RBMS3: variants seen among roughly 807,000 people sequenced by gnomAD.
RBMS3 encodes RNA binding motif single stranded interacting protein 3.
Under a neutral mutation model 66.8 loss-of-function variants are expected in RBMS3, and 27 were observed. The ratio of observed to expected loss-of-function variants is 0.40; its 90% confidence interval spans 0.30 to 0.56. The LOEUF (loss-of-function observed/expected upper bound fraction) is 0.56, where lower values mean the gene tolerates loss of function less well. RBMS3 is among the 20% of genes least tolerant of loss of function. The probability of loss-of-function intolerance (pLI) is 0.40; values close to 1 mark genes in which losing one functional copy is unlikely to be tolerated. For missense variants in RBMS3, 513 were observed against 549.5 expected (o/e 0.93, Z 0.66); for synonymous variants, 188 against 183.0 (o/e 1.03, Z -0.22).
chr3:29,710,238 T>A (rs1392005540), intron 4 of RBMS3, among the ~76,000 whole-genome samples: 1 of 152,234 alleles, frequency 6.6e-6, no homozygotes, highest in African/African-American at 2.4e-5. Flanking sequence ...TGCATATTTT[T>A]ATCTTTTTCT....
chr3:29,800,724 T>C (rs1173935239), intron 6 of RBMS3, among the ~76,000 whole-genome samples: 2 of 152,222 alleles, frequency 1.3e-5, no homozygotes, highest in African/African-American at 4.8e-5. Context: ...TTTGGAAAAG[T>C]AAAGTGTAAA....
chr3:29,675,135 A>G (rs1294787297), intron 4 of RBMS3, among the ~76,000 whole-genome samples: 2 of 152,182 alleles, frequency 1.3e-5, no homozygotes, highest in Admixed American at 6.5e-5. Flanking sequence ...ATCTACAACC[A>G]TCTGATCTTT....
intron 1 of RBMS3, among the ~76,000 whole-genome samples, chr3:29,299,430 G>GA (rs1461471965): frequency 6.6e-6 from 1 of 151,818 alleles, no homozygotes; most frequent in Non-Finnish European, 1.5e-5. Flanking sequence ...AACCATGAAT[G>GA]AAAACAATGA....
chr3:29,496,999 A>C (rs1182660715), intron 3 of RBMS3, among the ~76,000 whole-genome samples: 1 of 151,566 alleles, frequency 6.6e-6, no homozygotes, highest in Non-Finnish European at 1.5e-5. Context: ...AACGTGCAGA[A>C]ATGATTTTAT....
chr3:29,376,769 G>T (rs2038493111), intron 1 of RBMS3, among the ~76,000 whole-genome samples: 1 of 152,168 alleles, frequency 6.6e-6, no homozygotes, highest in Non-Finnish European at 1.5e-5. Context: ...TACCTGGCGT[G>T]GTGGCGGGCG....
chr3:29,398,321 C>A (rs548621709), intron 1 of RBMS3, among the ~76,000 whole-genome samples: 66 of 152,150 alleles, frequency 4.3e-4, no homozygotes, highest in South Asian at 1.2e-3. Context: ...TTTACAGAAC[C>A]TTTTTGACTA....
chr3:29,812,405 A>C (rs1310518960), intron 6 of RBMS3, among the ~76,000 whole-genome samples: 2 of 152,104 alleles, frequency 1.3e-5, no homozygotes, highest in East Asian at 3.9e-4. Context: ...GAGTGCTTTG[A>C]TATGTTTGTT....
intron 7 of RBMS3, among the ~76,000 whole-genome samples, chr3:29,881,118 C>T (rs556025901): frequency 3.9e-4 from 59 of 152,168 alleles, no homozygotes; most frequent in Non-Finnish European, 7.5e-4. Flanking sequence ...AAACAGCTCA[C>T]TCACCTTTCC....
At chr3:29,597,606 A>G (rs2047994996) in intron 4 of RBMS3, among the ~76,000 whole-genome samples, 1 of 152,170 alleles carries the variant, frequency 6.6e-6, no homozygotes, top group Non-Finnish European at 1.5e-5. Context: ...GTGGGAGTTG[A>G]CATTCCAACA....
chr3:29,467,674 T>C (rs2042587934), intron 2 of RBMS3, among the ~76,000 whole-genome samples: 1 of 152,164 alleles, frequency 6.6e-6, no homozygotes, highest in Admixed American at 6.5e-5. Flanking sequence ...TCTTCACAAA[T>C]TAAATTATAC....
chr3:29,701,242 A>G (rs1287975690), intron 4 of RBMS3, among the ~76,000 whole-genome samples: 1 of 151,800 alleles, frequency 6.6e-6, no homozygotes, highest in Admixed American at 6.6e-5. Context: ...GCGCCATTGC[A>G]CTCCAGCCTG....
At chr3:29,678,462 A>G (rs965380845) in intron 4 of RBMS3, among the ~76,000 whole-genome samples, 4 of 152,174 alleles carry the variant, frequency 2.6e-5, no homozygotes, top group Non-Finnish European at 5.9e-5. Context: ...TACTTGTGAT[A>G]CAATGGAGAT....
intron 1 of RBMS3, among the ~76,000 whole-genome samples, chr3:29,408,281 A>G (rs967863225): frequency 6.6e-6 from 1 of 151,600 alleles, no homozygotes; most frequent in African/African-American, 2.4e-5. Context: ...CAAAAAAAAA[A>G]AAAAAAAAAA....
At chr3:29,350,638 G>T (rs539868649) in intron 1 of RBMS3, among the ~76,000 whole-genome samples, 14 of 152,142 alleles carry the variant, frequency 9.2e-5, no homozygotes, top group Non-Finnish European at 2.1e-4. Flanking sequence ...TGCTCTGAAA[G>T]TGTCTGTCTT....
chr3:29,721,403 G>A (rs879507219), intron 4 of RBMS3, among the ~76,000 whole-genome samples: 8 of 151,806 alleles, frequency 5.3e-5, no homozygotes, highest in Non-Finnish European at 8.8e-5. Flanking sequence ...TTCTTTCCTC[G>A]TAAGTGGTCT....
intron 1 of RBMS3, among the ~76,000 whole-genome samples, chr3:29,352,941 G>A (rs2037004266): frequency 6.6e-6 from 1 of 150,448 alleles, no homozygotes; most frequent in South Asian, 2.1e-4. Context: ...TTTTTTTATG[G>A]CTGTACAGTA....
intron 3 of RBMS3, among the ~76,000 whole-genome samples, chr3:29,546,311 CA>C (rs2045947057): frequency 6.6e-6 from 1 of 152,048 alleles, no homozygotes; most frequent in Admixed American, 6.6e-5. Flanking sequence ...AAGTATATTG[CA>C]AAAACGTACA....
intron 1 of RBMS3, among the ~76,000 whole-genome samples, chr3:29,304,522 C>T (rs1272182755): frequency 4.0e-5 from 6 of 151,826 alleles, no homozygotes; most frequent in East Asian, 3.9e-4. Context: ...TATTGACTGA[C>T]GTAAGGAAGG....
At chr3:29,283,764 A>ATTATTATG (rs1210348009) in intron 1 of RBMS3, among the ~76,000 whole-genome samples, 1 of 152,146 alleles carries the variant, frequency 6.6e-6, no homozygotes, top group Non-Finnish European at 1.5e-5. Flanking sequence ...GTTCACATTG[A>ATTATTATG]TTATTATGTT....
Sources: gnomAD v4.1 joint callset for allele counts (sites outside exome capture counted in the v4.1 genomes callset) on GRCh38, gnomAD v4.1.1 for gene constraint, MANE v1.5 for transcripts, NCBI Gene and HGNC (gene_info 2026-07-23, HGNC 2026-07-21) for gene names.